C12orf50: variants seen among roughly 807,000 people sequenced by gnomAD.
C12orf50 encodes uncharacterized protein C12orf50.
Under a neutral mutation model 61.6 loss-of-function variants are expected in C12orf50, and 35 were observed. The ratio of observed to expected loss-of-function variants is 0.57; its 90% confidence interval spans 0.43 to 0.75. C12orf50 has a LOEUF of 0.75. C12orf50 is among the 30% of genes least tolerant of loss of function. The pLI is 0.00. For synonymous variants in C12orf50, 178 were observed against 161.5 expected (o/e 1.10, Z -0.77); for missense variants, 475 against 488.5 (o/e 0.97, Z 0.26).
intron 3 of C12orf50, among the ~76,000 whole-genome samples, chr12:88,021,693 A>G (rs1592685213): frequency 6.6e-6 from 1 of 152,094 alleles, no homozygotes; most frequent in African/African-American, 2.4e-5. Flanking sequence ...ACAAAAACCT[A>G]TCAGACACTA....
At chr12:87,993,326 T>C (rs147841169) in intron 7 of C12orf50, among the ~76,000 whole-genome samples, 120 of 152,338 alleles carry the variant, frequency 7.9e-4, no homozygotes, top group Non-Finnish European at 1.5e-3. Flanking sequence ...TTTAATGATA[T>C]TTCAACAAAC....
At chr12:88,013,013 G>C (rs1306764537) in intron 3 of C12orf50, among the ~76,000 whole-genome samples, 1 of 151,978 alleles carries the variant, frequency 6.6e-6, no homozygotes, top group African/African-American at 2.4e-5. Flanking sequence ...GCAGTGAGCT[G>C]TGTTCACACC....
At chr12:87,998,557 A>G (rs1180112368) in intron 3 of C12orf50, among the ~76,000 whole-genome samples, 2 of 152,204 alleles carry the variant, frequency 1.3e-5, no homozygotes, top group East Asian at 1.9e-4. Flanking sequence ...ATGGAAAGAT[A>G]TCCTTGTTTA....
rs914808368 is a variant in C12orf50, at chr12:88,026,231, C to A, written c.133+257G>T. Among the ~76,000 whole-genome samples, 8 of 152,264 alleles carry A rather than the reference C, an allele frequency of 5.3e-5. 1 individual carries two copies. Among genetic ancestry groups the A allele is most frequent in the African/African-American group, 1.9e-4 (8 of 41,556 alleles). On this transcript the variant is annotated intron_variant, in intron 3 of 12. Coordinates refer to ENST00000298699, the MANE Select transcript of C12orf50 (RefSeq NM_152589.3). ...TTTAGTGAGGTCAGTAGCTGTCTTACTTTTCATATGAATAAAATCCATTTT... is the reference window on the plus strand; with the variant it reads ...TTTAGTGAGGTCAGTAGCTGTCTTAATTTTCATATGAATAAAATCCATTTT...
intron 3 of C12orf50, among the ~76,000 whole-genome samples, chr12:88,022,433 A>C (rs1057163712): frequency 1.3e-5 from 2 of 152,184 alleles, no homozygotes; most frequent in African/African-American, 4.8e-5. Flanking sequence ...TTCCCCCTTG[A>C]AAACTGGAAG....
intron 3 of C12orf50, among the ~76,000 whole-genome samples, chr12:88,012,269 A>T (rs1032456948): frequency 1.3e-5 from 2 of 152,190 alleles, no homozygotes; most frequent in African/African-American, 4.8e-5. Context: ...TTTCAAAACA[A>T]ATTCAGTTTT....
rs752464155 is a variant in C12orf50 at position 87,996,571 on chromosome 12, G to C, written c.365C>G (p.Ser122Cys). The stretch of plus-strand genomic sequence containing the variant: ...TACAAAAATGTTTGATTTCTTACCA[G>C]ATTTATAACACATCTCCTTTATTGC... ...KRAIKEMCYK[S>C]GEYYRFHTPP... Residue 122 changes from serine to cysteine, a missense_variant and splice_region_variant, in exon 5 of 13, where the codon TCT (serine) becomes TGT (cysteine). Physicochemically the swap from Ser to Cys is moderately radical, Grantham distance 112. Transcript: ENST00000298699. The C allele has an allele frequency of 6.2e-7, 1 of 1,606,806 alleles. No homozygotes were observed. The highest frequency in any genetic ancestry group is 2.2e-5 in the East Asian group (1 of 44,682).
At chr12:88,015,607 C>T (rs984640687) in intron 3 of C12orf50, among the ~76,000 whole-genome samples, 13 of 152,298 alleles carry the variant, frequency 8.5e-5, no homozygotes, top group Non-Finnish European at 1.5e-4. Flanking sequence ...TAAGAGATTA[C>T]ACTAACTTCT....
intron 3 of C12orf50, among the ~76,000 whole-genome samples, chr12:88,015,001 T>A (rs916887601): frequency 1.3e-4 from 20 of 152,172 alleles, no homozygotes; most frequent in Non-Finnish European, 2.9e-4. Context: ...CTTTATTTTT[T>A]TGCATGTTTT....
chr12:88,029,045 C>T, intron 1 of C12orf50: 1 of 1,231,624 alleles, frequency 8.1e-7, no homozygotes. Flanking sequence ...ATGTGAAGTA[C>T]TGTCAATTGT....
intron 12 of C12orf50, among the ~76,000 whole-genome samples, chr12:87,982,706 C>T (rs146848994): frequency 6.6e-6 from 1 of 151,786 alleles, no homozygotes; most frequent in Non-Finnish European, 1.5e-5. Context: ...TCCTGTCAGC[C>T]TATACCAGCC....
At chr12:87,980,430 A>G in intron 12 of C12orf50, 74 bp from the exon 13 acceptor site, 1 of 1,277,694 alleles carries the variant, frequency 7.8e-7, no homozygotes, top group Non-Finnish European at 1.1e-6. Context: ...TTCTTTTGCT[A>G]ATTACTTGCC....
chr12:88,003,141 T>C (rs181870899), intron 3 of C12orf50, among the ~76,000 whole-genome samples: 85 of 152,022 alleles, frequency 5.6e-4, no homozygotes, highest in Middle Eastern at 6.8e-3. Flanking sequence ...ACTATTAACC[T>C]TTTTATTTAT....
chr12:87,987,895 C>A lies in C12orf50; in HGVS notation c.772G>T (p.Ala258Ser). 1 of 1,611,430 alleles carries A rather than the reference C, an allele frequency of 6.2e-7. No individual in the cohort carries two copies. The highest frequency in any genetic ancestry group is 8.5e-7 in the Non-Finnish European group (1 of 1,178,334). The change falls in exon 9 of 13, where the codon GCT becomes TCT. Residue 258 changes from alanine (A) to serine (S), a missense_variant. Coordinates refer to ENST00000298699, the MANE Select transcript of C12orf50 (RefSeq NM_152589.3). ...CACTTCATACTGATATTCTCAGTAG[C>A]ATTTAATACATGCGTTGTAGGTACT... The part of the protein sequence containing the change: ...RLVPTTHVLN[A>S]TENISMKCRE...
At chr12:87,996,251 T>C (rs1327176964) in intron 6 of C12orf50, 123 bp downstream of exon 6, 1 of 708,754 alleles carries the variant, frequency 1.4e-6, no homozygotes, top group Non-Finnish European at 2.3e-6. Flanking sequence ...CACTTTCTTC[T>C]AGTGCTCAAT....
intron 3 of C12orf50, among the ~76,000 whole-genome samples, chr12:88,013,436 A>C (rs2032188042): frequency 6.6e-6 from 1 of 152,166 alleles, no homozygotes; most frequent in Admixed American, 6.5e-5. Flanking sequence ...CAGACTGAAT[A>C]TTACACATTG....
intron 3 of C12orf50, among the ~76,000 whole-genome samples, chr12:88,014,997 T>A (rs1394250505): frequency 6.6e-6 from 1 of 152,152 alleles, no homozygotes; most frequent in Non-Finnish European, 1.5e-5. Context: ...CTGCCTTTAT[T>A]TTTTTGCATG....
chr12:87,997,345 T>C (rs1555186648), intron 4 of C12orf50, among the ~76,000 whole-genome samples: 5 of 152,090 alleles, frequency 3.3e-5, no homozygotes, highest in Non-Finnish European at 7.4e-5. Context: ...GAAACATATA[T>C]AAAAAACATA....
intron 7 of C12orf50, among the ~76,000 whole-genome samples, chr12:87,990,964 T>G (rs943378262): frequency 1.3e-5 from 2 of 152,048 alleles, no homozygotes; most frequent in Non-Finnish European, 2.9e-5. Context: ...TACATACTGC[T>G]TGGGAGGTAA....
Sources: allele counts gnomAD v4.1 joint callset (sites outside exome capture counted in the v4.1 genomes callset), GRCh38; gene constraint gnomAD v4.1.1; transcripts MANE v1.5; gene names NCBI Gene and HGNC (gene_info 2026-07-23, HGNC 2026-07-21).